Variants in CAMK2D observed in about 807,000 individuals in gnomAD.
CAMK2D encodes calcium/calmodulin dependent protein kinase II delta.
In CAMK2D, 37 loss-of-function variants were observed where a neutral mutation model predicts 84.0. The observed-to-expected ratio is 0.44, with a 90% confidence interval of 0.34 to 0.58. CAMK2D has a LOEUF of 0.58. CAMK2D is among the 20% of genes least tolerant of loss of function. The pLI, the probability that CAMK2D is intolerant of heterozygous loss-of-function variation, is 0.02. For synonymous variants in CAMK2D, 202 were observed against 212.5 expected (o/e 0.95, Z 0.43); for missense variants, 448 against 652.5 (o/e 0.69, Z 3.41).
intron 2 of CAMK2D, chr4:113,754,252 C>G: frequency 2.0e-6 from 2 of 976,548 alleles, no homozygotes; most frequent in Non-Finnish European, 2.4e-6. Flanking sequence ...ACATTACACC[C>G]TAATAAATGG....
chr4:113,659,382 A>C (rs1267378689), intron 3 of CAMK2D, among the ~76,000 whole-genome samples: 1 of 152,208 alleles, frequency 6.6e-6, no homozygotes, highest in Non-Finnish European at 1.5e-5. Context: ...TGTCCTCCCC[A>C]AATTCCTATG....
At chr4:113,732,236 A>C (rs1352462705) in intron 2 of CAMK2D, among the ~76,000 whole-genome samples, 2 of 151,656 alleles carry the variant, frequency 1.3e-5, no homozygotes, top group Admixed American at 1.3e-4. Context: ...TGATCCTCCC[A>C]CCTCAGCCTC....
rs769476399 is a variant in CAMK2D at position 113,457,502 on chromosome 4, T to C, written c.1368A>G (p.Val456=). 2 of 1,613,454 alleles carry C rather than the reference T, an allele frequency of 1.2e-6. No individual in the cohort carries two copies. Among genetic ancestry groups the C allele is most frequent in the Admixed American group, 1.7e-5 (1 of 60,006 alleles). ...TIILNPHVHL[V]GDDAACIAYI... ...ATGCTATGCAGGCGGCATCATCCCC[T>C]ACCAGATGTACATGAGGGTTTAGAA... Residue 456 remains valine (V), a synonymous_variant, in exon 19 of 21, where the codon GTA becomes GTG. Coordinates refer to ENST00000511664, the MANE Select transcript of CAMK2D (RefSeq NM_001321571.2).
intron 2 of CAMK2D, among the ~76,000 whole-genome samples, chr4:113,756,668 A>T (rs2099629269): frequency 6.6e-6 from 1 of 152,064 alleles, no homozygotes; most frequent in Admixed American, 6.5e-5. Context: ...TATTTTCAGT[A>T]TTTGCTTGTT....
At chr4:113,657,783 G>A (rs1195396319) in intron 3 of CAMK2D, among the ~76,000 whole-genome samples, 1 of 152,100 alleles carries the variant, frequency 6.6e-6, no homozygotes, top group Non-Finnish European at 1.5e-5. Context: ...CCAAGAGAAA[G>A]ACACATTCAA....
At chr4:113,620,850 T>A (rs1209575079) in intron 3 of CAMK2D, among the ~76,000 whole-genome samples, 2 of 152,202 alleles carry the variant, frequency 1.3e-5, no homozygotes, top group East Asian at 3.8e-4. Flanking sequence ...GAACCAAATT[T>A]AAGAAATATA....
chr4:113,734,522 G>A (rs2099576445), intron 2 of CAMK2D, among the ~76,000 whole-genome samples: 1 of 151,714 alleles, frequency 6.6e-6, no homozygotes, highest in Non-Finnish European at 1.5e-5. Context: ...CAAATAGAAG[G>A]CATATATACA....
intron 2 of CAMK2D, among the ~76,000 whole-genome samples, chr4:113,739,008 T>G (rs1408671739): frequency 6.6e-6 from 1 of 152,338 alleles, no homozygotes; most frequent in East Asian, 1.9e-4. Context: ...AATGCAACTT[T>G]CTTTGTTCTT....
intron 2 of CAMK2D, among the ~76,000 whole-genome samples, chr4:113,704,762 C>T (rs1274328245): frequency 6.6e-6 from 1 of 151,838 alleles, no homozygotes; most frequent in African/African-American, 2.4e-5. Context: ...AACCTTTTCA[C>T]TAAAAACTAG....
intron 2 of CAMK2D, chr4:113,754,692 TA>T (rs1277321165): frequency 1.0e-6 from 1 of 965,500 alleles, no homozygotes; most frequent in South Asian, 4.8e-5. Flanking sequence ...TTTTTTTTTT[TA>T]TTATTTGTGT....
chr4:113,679,331 T>C (rs2099330989), intron 2 of CAMK2D: 2 of 251,670 alleles, frequency 7.9e-6, no homozygotes, highest in Non-Finnish European at 1.3e-5. Context: ...GGTTTACTAA[T>C]ACACGTATGT....
At chr4:113,691,308 A>G (rs919593378) in intron 2 of CAMK2D, among the ~76,000 whole-genome samples, 1 of 152,242 alleles carries the variant, frequency 6.6e-6, no homozygotes, top group East Asian at 1.9e-4. Context: ...ATGAAGGTAT[A>G]TACTTTAGAT....
chr4:113,496,036 C>A (rs983673418), intron 16 of CAMK2D, among the ~76,000 whole-genome samples: 12 of 152,082 alleles, frequency 7.9e-5, no homozygotes, highest in Non-Finnish European at 1.5e-4. Context: ...GGTTATGAGG[C>A]GGAGAGGCAT....
intron 16 of CAMK2D, among the ~76,000 whole-genome samples, chr4:113,485,024 G>T (rs954323619): frequency 3.9e-5 from 6 of 152,188 alleles, no homozygotes; most frequent in Non-Finnish European, 8.8e-5. Flanking sequence ...AAATCCCCAC[G>T]TGGTTCAGTG....
At chr4:113,498,773 C>T (rs888541148) in intron 16 of CAMK2D, among the ~76,000 whole-genome samples, 6 of 152,116 alleles carry the variant, frequency 3.9e-5, no homozygotes, top group Admixed American at 2.6e-4. Context: ...AAATTACAAA[C>T]TACAAGGTAA....
At chr4:113,645,311 C>T (rs558916775) in intron 3 of CAMK2D, among the ~76,000 whole-genome samples, 16 of 152,270 alleles carry the variant, frequency 1.1e-4, no homozygotes, top group Admixed American at 5.9e-4. Context: ...CCACCATGCC[C>T]GGCCTGAATG....
intron 2 of CAMK2D, among the ~76,000 whole-genome samples, chr4:113,738,207 GA>G (rs572007050): frequency 0.013 from 1,408 of 107,874 alleles, 13 homozygotes; most frequent in African/African-American, 0.033. Context: ...TATGTTCTTT[GA>G]AAAAAAAAAA....
At chr4:113,626,713 G>A (rs2154281562) in intron 3 of CAMK2D, among the ~76,000 whole-genome samples, 1 of 152,218 alleles carries the variant, frequency 6.6e-6, no homozygotes, top group East Asian at 1.9e-4. Flanking sequence ...TTCCTTGCAG[G>A]CAAATAGAAG....
rs376539502 is a variant in CAMK2D, at chr4:113,572,538, A to G, written c.276-20442T>C. Among the ~76,000 whole-genome samples, 8 of 152,300 alleles carry G rather than the reference A, an allele frequency of 5.3e-5. No homozygotes were observed. The East Asian group carries it at 7.7e-4, about 15-fold the overall frequency. On this transcript the variant is annotated intron_variant, in intron 4 of 20. Coordinates refer to ENST00000511664, the MANE Select transcript of CAMK2D (RefSeq NM_001321571.2). ...CAACAATTATATGAAAAAAAGCTCA[A>G]TATCACTGATCAATAGAGAAATGCA... is the stretch of plus-strand genomic sequence containing the variant.
Sources: gnomAD v4.1 joint callset for allele counts (sites outside exome capture counted in the v4.1 genomes callset) on GRCh38, gnomAD v4.1.1 for gene constraint, MANE v1.5 for transcripts, NCBI Gene and HGNC (gene_info 2026-07-23, HGNC 2026-07-21) for gene names.